FAT3: variants seen among roughly 807,000 people sequenced by gnomAD.
FAT3 encodes the protein FAT atypical cadherin 3, also known as protocadherin Fat 3.
A neutral mutation model predicts 310.2 loss-of-function variants in FAT3; 95 were observed. The ratio of observed to expected loss-of-function variants is 0.31; its 90% CI spans 0.26 to 0.36. The LOEUF is 0.36. FAT3 is among the 10% of genes least tolerant of loss of function. The pLI is 1.00. For synonymous variants in FAT3, 2,314 were observed against 2,192.9 expected, an observed-to-expected ratio of 1.06 and a Z score of -1.54; for missense variants, 5,408 against 5,715.6, an observed-to-expected ratio of 0.95 and a Z score of 1.74.
chr11:92,318,946 A>G (rs1290078476), intron 1 of FAT3, among the ~76,000 whole-genome samples: 1 of 152,190 alleles, frequency 6.6e-6, no homozygotes, highest in Non-Finnish European at 1.5e-5. Flanking sequence ...TCACTCATTC[A>G]TTTGTTCTCA....
At chr11:92,797,719 A>G (rs1384482527) in intron 9 of FAT3, 117 bp from the exon 10 acceptor site, 1 of 827,604 alleles carries the variant, frequency 1.2e-6, no homozygotes, top group African/African-American at 1.7e-5. Flanking sequence ...ACAGATGAGT[A>G]CTATAATTGC....
intron 3 of FAT3, among the ~76,000 whole-genome samples, chr11:92,677,310 A>G (rs1014145203): frequency 2.6e-5 from 4 of 152,266 alleles, no homozygotes; most frequent in African/African-American, 9.6e-5. Flanking sequence ...ACACCTGGGT[A>G]AAAGGGATAT....
chr11:92,267,793 A>C (rs2134325542), intron 1 of FAT3, among the ~76,000 whole-genome samples: 1 of 152,294 alleles, frequency 6.6e-6, no homozygotes, highest in African/African-American at 2.4e-5. Flanking sequence ...TCCTAAGCTA[A>C]CACCTTAAAA....
intron 19 of FAT3, among the ~76,000 whole-genome samples, chr11:92,846,599 A>C (rs1948689963): frequency 6.6e-6 from 1 of 152,164 alleles, no homozygotes; most frequent in South Asian, 2.1e-4. Context: ...TTTGATGGAG[A>C]TAGAGGGGTT....
rs1195340265 is a variant in FAT3 at position 92,293,512 on chromosome 11, TTATATATATA to T, written c.-17-58553_-17-58544del. Among the ~76,000 whole-genome samples the T allele has an allele frequency of 1.3e-3, 87 of 67,886 alleles. 1 individual carries two copies. The highest frequency in any genetic ancestry group is 3.3e-3 in the South Asian group (6 of 1,802). The allele number at this position is 67,886 out of a possible 152,430, so 44.5% of individuals were successfully genotyped here. On this transcript the variant is annotated intron_variant, in intron 1 of 27. Transcript: ENST00000525166. ...TTTCAATTTGAAGCAGAACCTCAGATTATATATATATATATATATATATATATATATATAT... is the reference window on the plus strand; with the variant it reads ...TTTCAATTTGAAGCAGAACCTCAGATTATATATATATATATATATATATAT...
At chr11:92,559,781 T>C (rs1955159134) in intron 3 of FAT3, among the ~76,000 whole-genome samples, 1 of 152,220 alleles carries the variant, frequency 6.6e-6, no homozygotes, top group East Asian at 1.9e-4. Flanking sequence ...AAGGATCATT[T>C]GTGTTGTGTG....
Position 92,676,882 on chromosome 11 carries a change from T to C in FAT3, c.3608-20502T>C, listed in dbSNP as rs902543340. 2.0e-5 allele frequency among the ~76,000 whole-genome samples: 3 copies of C among 152,180 alleles called. No individual in the cohort carries two copies. In the South Asian group the frequency reaches 6.2e-4, roughly 31 times the overall value. On this transcript the variant is annotated intron_variant, in intron 3 of 27. Transcript: ENST00000525166. ...TATCCATTCTCTCAACTGGCACTTA[T>C]TAAAGTACTAAGTACAGGCACAGTG...
chr11:92,526,995 C>T (rs887514305), intron 3 of FAT3, among the ~76,000 whole-genome samples: 4 of 152,044 alleles, frequency 2.6e-5, no homozygotes, highest in Non-Finnish European at 5.9e-5. Context: ...AGATATGGTC[C>T]CAGCCTTAGG....
In FAT3 at chr11:92,792,738, T is replaced by A. The variant is rs1283753920; in HGVS notation, c.4612-29T>A. 2.5e-6 allele frequency: 4 copies of A among 1,604,946 alleles called. 1 individual carries two copies. Among genetic ancestry groups the A allele is most frequent in the Non-Finnish European group, 3.4e-6 (4 of 1,173,708 alleles). On this transcript the variant is annotated intron_variant, in intron 8 of 27. Transcript: ENST00000525166. ...AGTTCTTTGCAATTTAAAATTTGAG[T>A]CCCACCACTTCTTGTATTTTGCCTA...
Position 92,543,230 on chromosome 11 carries a change from TTAGA to T in FAT3, c.3607+18287_3607+18290del, listed in dbSNP as rs535601170. Reference sequence around the variant, plus strand: ...TTAATCAACATGTATAAAGTTACACTTAGATAGAAGCAATAAGTTCTAGTGTTTT... The same window carrying T: ...TTAATCAACATGTATAAAGTTACACTTAGAAGCAATAAGTTCTAGTGTTTT... On this transcript the variant is annotated intron_variant, in intron 3 of 27. Transcript: ENST00000525166. 2.1e-3 allele frequency among the ~76,000 whole-genome samples: 322 copies of T among 152,196 alleles called. 1 individual carries two copies. Among genetic ancestry groups the T allele is most frequent in the South Asian group, 8.1e-3 (39 of 4,822 alleles).
chr11:92,561,109 A>G (rs1444672920), intron 3 of FAT3, among the ~76,000 whole-genome samples: 1 of 152,188 alleles, frequency 6.6e-6, no homozygotes, highest in Non-Finnish European at 1.5e-5. Context: ...CAGTTACTTA[A>G]TAGCCTGTCT....
At chr11:92,467,625 C>G (rs1017580029) in intron 2 of FAT3, among the ~76,000 whole-genome samples, 1 of 152,120 alleles carries the variant, frequency 6.6e-6, no homozygotes, top group African/African-American at 2.4e-5. Context: ...TGGTGTTGGT[C>G]TGTCATGCAT....
chr11:92,225,088 C>A lies in FAT3; in HGVS notation c.-104C>A, dbSNP rs895604941. 2.0e-5 allele frequency among the ~76,000 whole-genome samples: 3 copies of A among 151,896 alleles called. No individual in the cohort carries two copies. In the South Asian group the frequency reaches 6.2e-4, roughly 32 times the overall value. ...GGCGGCAGCAGCCGGGGGACCGGCT[C>A]GCCCGGAGCAAGAGCGCCGAGCACC... is the stretch of plus-strand genomic sequence containing the variant. On this transcript the variant is annotated 5_prime_UTR_variant, in exon 1 of 28. Transcript: ENST00000525166.
intron 2 of FAT3, among the ~76,000 whole-genome samples, chr11:92,454,676 G>A (rs1240021032): frequency 6.6e-6 from 1 of 152,082 alleles, no homozygotes; most frequent in Non-Finnish European, 1.5e-5. Flanking sequence ...TTAGAACTCT[G>A]ATAGGCATTT....
At chr11:92,804,107 T>C (rs1340193427) in intron 10 of FAT3, among the ~76,000 whole-genome samples, 1 of 152,164 alleles carries the variant, frequency 6.6e-6, no homozygotes, top group African/African-American at 2.4e-5. Context: ...GCAGTATACT[T>C]TCCTTACTTG....
At position 92,724,455 on chromosome 11, in the gene FAT3, G is replaced by C. The variant is rs1197932229; in HGVS notation, c.3669+27010G>C. On this transcript the variant is annotated intron_variant, in intron 4 of 27. Coordinates refer to ENST00000525166, the MANE Select transcript of FAT3 (RefSeq NM_001367949.2). ...GGGAAATAAAATTCACCTATTGATA[G>C]GAGGAGCTGCAAGATTTGATGGATA... is the stretch of plus-strand genomic sequence containing the variant. Among the ~76,000 whole-genome samples the C allele has an allele frequency of 3.9e-5, 6 of 152,178 alleles. 1 individual carries two copies. The highest frequency in any genetic ancestry group is 3.9e-4 in the Admixed American group (6 of 15,282).
chr11:92,830,878 G>A (rs927452915), intron 13 of FAT3, among the ~76,000 whole-genome samples: 2 of 152,038 alleles, frequency 1.3e-5, no homozygotes, highest in African/African-American at 2.4e-5. Flanking sequence ...ATACATCCAG[G>A]AACCCTTCAT....
chr11:92,643,021 G>T (rs971241795), intron 3 of FAT3, among the ~76,000 whole-genome samples: 1 of 152,152 alleles, frequency 6.6e-6, no homozygotes. Context: ...CATTATTTCA[G>T]CCTCAGGATG....
Position 92,751,766 on chromosome 11 carries a change from T to C in FAT3, c.3670-10090T>C, listed in dbSNP as rs574235239. On this transcript the variant is annotated intron_variant, in intron 4 of 27. Coordinates refer to ENST00000525166, the MANE Select transcript of FAT3 (RefSeq NM_001367949.2). Reference sequence around the variant, plus strand: ...TGGGAAGGGAATTTTGAACAGATGGTTAACAGATGCTTCTACATGGGCTGC... The same window carrying C: ...TGGGAAGGGAATTTTGAACAGATGGCTAACAGATGCTTCTACATGGGCTGC... 2.0e-5 allele frequency among the ~76,000 whole-genome samples: 3 copies of C among 152,166 alleles called. No homozygotes were observed. In the South Asian group the frequency reaches 6.2e-4, roughly 32 times the overall value.
Sources: allele counts gnomAD v4.1 joint callset (sites outside exome capture counted in the v4.1 genomes callset), GRCh38; gene constraint gnomAD v4.1.1; transcripts MANE v1.5; gene names NCBI Gene and HGNC (gene_info 2026-07-23, HGNC 2026-07-21).